Variants in CDK19 observed in about 807,000 individuals in gnomAD.
CDK19 encodes cyclin dependent kinase 19.
Under a neutral mutation model 68.3 loss-of-function variants are expected in CDK19, and 20 were observed. The ratio of observed to expected loss-of-function variants is 0.29; its 90% CI spans 0.21 to 0.43. CDK19 has a LOEUF of 0.43. Among genes scored for constraint, CDK19 ranks in the 20% least tolerant of loss-of-function variants. The probability of loss-of-function intolerance (pLI) is 1.00; values close to 1 mark genes in which losing one functional copy is unlikely to be tolerated. For missense variants in CDK19, 339 were observed against 623.5 expected (o/e 0.54, Z 4.86); for synonymous variants, 221 against 222.8 (o/e 0.99, Z 0.07).
At chr6:110,716,309 T>C (rs1040477118) in intron 2 of CDK19, among the ~76,000 whole-genome samples, 1 of 152,108 alleles carries the variant, frequency 6.6e-6, no homozygotes, top group Non-Finnish European at 1.5e-5. Flanking sequence ...TAAGCATTTC[T>C]ATATATAAAA....
intron 2 of CDK19, among the ~76,000 whole-genome samples, chr6:110,672,973 T>C (rs1771149280): frequency 6.6e-6 from 1 of 152,178 alleles, no homozygotes; most frequent in African/African-American, 2.4e-5. Flanking sequence ...ATATACTTAG[T>C]ATATTTACTT....
intron 2 of CDK19, among the ~76,000 whole-genome samples, chr6:110,690,223 G>A (rs1772862331): frequency 6.6e-6 from 1 of 152,198 alleles, no homozygotes; most frequent in African/African-American, 2.4e-5. Flanking sequence ...CCCACAGGAG[G>A]AGTATCTGCC....
chr6:110,691,213 A>G (rs990299613), intron 2 of CDK19, among the ~76,000 whole-genome samples: 6 of 152,142 alleles, frequency 3.9e-5, no homozygotes, highest in African/African-American at 1.4e-4. Context: ...GGTGGCTCAC[A>G]CCTGTAATCC....
At chr6:110,739,140 GC>G (rs1049996347) in intron 2 of CDK19, among the ~76,000 whole-genome samples, 1 of 152,182 alleles carries the variant, frequency 6.6e-6, no homozygotes, top group Non-Finnish European at 1.5e-5. Flanking sequence ...GAATGTTTAT[GC>G]CCCTTGCCCT....
intron 4 of CDK19, among the ~76,000 whole-genome samples, chr6:110,660,826 G>A (rs561422726): frequency 1.3e-5 from 2 of 152,298 alleles, no homozygotes; most frequent in African/African-American, 4.8e-5. Context: ...AGTCATGGGT[G>A]GTTTTGGAAA....
intron 2 of CDK19, among the ~76,000 whole-genome samples, chr6:110,673,965 T>C (rs143308729): frequency 2.2e-4 from 33 of 152,268 alleles, no homozygotes; most frequent in African/African-American, 6.7e-4. Context: ...TTTTCCCAAG[T>C]AGAAGGTTTG....
At chr6:110,754,504 G>A (rs1192523721) in intron 1 of CDK19, among the ~76,000 whole-genome samples, 5 of 147,838 alleles carry the variant, frequency 3.4e-5, no homozygotes, top group East Asian at 2.0e-4. Flanking sequence ...TTTTCAAGAC[G>A]GAGTCTCGCT....
chr6:110,663,262 T>C (rs1384191648), intron 4 of CDK19, among the ~76,000 whole-genome samples: 7 of 152,324 alleles, frequency 4.6e-5, no homozygotes. Flanking sequence ...ACAAAACTAG[T>C]CACTGACTAC....
At position 110,627,243 on chromosome 6, in the gene CDK19, A is replaced by C. The variant is rs192298970; in HGVS notation, c.647-98T>G. 4.2e-4 allele frequency: 348 copies of C among 826,120 alleles called. 2 individuals are homozygous for C. The African/African-American group carries it at 5.6e-3, about 13-fold the overall frequency. 51.2% of individuals were successfully genotyped at this position (826,120 alleles called of 1,614,324 possible). On this transcript the variant is annotated intron_variant, in intron 6 of 12. Coordinates refer to ENST00000368911, the MANE Select transcript of CDK19 (RefSeq NM_015076.5). ...TTATAAAAATACTTTTCAGTAAATC[A>C]ATATACAAAGTACAATAAGTACATT...
At chr6:110,664,046 G>A (rs62420295) in intron 4 of CDK19, among the ~76,000 whole-genome samples, 8,895 of 152,144 alleles carry the variant, frequency 0.058, 365 homozygotes, top group Non-Finnish European at 0.087. Flanking sequence ...CAAACTGTCA[G>A]TACTTAAACA....
chr6:110,739,588 T>C (rs982658404), intron 2 of CDK19, among the ~76,000 whole-genome samples: 1 of 152,096 alleles, frequency 6.6e-6, no homozygotes, highest in African/African-American at 2.4e-5. Flanking sequence ...TCGATGTTGT[T>C]AGAAGTACTC....
chr6:110,667,583 T>TA lies in CDK19; in HGVS notation c.316-10dup, dbSNP rs761820379. On this transcript the variant is annotated splice_polypyrimidine_tract_variant and intron_variant, in intron 3 of 12. Coordinates refer to ENST00000368911, the MANE Select transcript of CDK19 (RefSeq NM_015076.5). ...TGAAACTTAATAATATGCTAAAAAT[T>TA]AAAAAAAAACATAATAATATAGTCT... The TA allele has an allele frequency of 8.9e-4, 1,273 of 1,424,992 alleles. No individual in the cohort carries two copies. Among genetic ancestry groups the TA allele is most frequent in the African/African-American group, 1.3e-3 (88 of 68,630 alleles). 88.3% of individuals were successfully genotyped at this position (1,424,992 alleles called of 1,614,324 possible). A position where few individuals can be genotyped will look rare whatever the true frequency, so the allele number is the denominator to read the frequency against.
Position 110,724,053 on chromosome 6 carries a change from T to A in CDK19, c.204+22073A>T, listed in dbSNP as rs375543307. ...AAACTAGTTTAAAAGAAAGTAATTT[T>A]AAAAACTAGCCATTATAGGGCCAGG... On this transcript the variant is annotated intron_variant, in intron 2 of 12. Transcript: ENST00000368911. Among the ~76,000 whole-genome samples the A allele has an allele frequency of 2.2e-4, 33 of 151,424 alleles. 1 individual carries two copies. Among genetic ancestry groups the A allele is most frequent in the African/African-American group, 7.3e-4 (30 of 41,324 alleles).
At chr6:110,811,145 G>C (rs1476280520) in intron 1 of CDK19, among the ~76,000 whole-genome samples, 1 of 152,144 alleles carries the variant, frequency 6.6e-6, no homozygotes, top group Non-Finnish European at 1.5e-5. Flanking sequence ...ACTTTGGAAA[G>C]TTCTAATCCT....
In CDK19 at chr6:110,814,992, C is replaced by T. The variant is rs200975755; in HGVS notation, c.128+17G>A. On this transcript the variant is annotated intron_variant, in intron 1 of 12. Transcript: ENST00000368911. ...CGAGGACCCGAGCGAGCCTACTCCT[C>T]CCGCCCCTGCTCTTACCCATCTTTC... 79 of 1,602,308 alleles carry T rather than the reference C, an allele frequency of 4.9e-5. No homozygotes were observed. The East Asian group carries it at 1.5e-3, about 31-fold the overall frequency.
chr6:110,624,605 T>G (rs1189690624), intron 8 of CDK19, among the ~76,000 whole-genome samples: 1 of 152,210 alleles, frequency 6.6e-6, no homozygotes, highest in Non-Finnish European at 1.5e-5. Context: ...TTGCTTTGTT[T>G]TTATAAAATT....
intron 2 of CDK19, among the ~76,000 whole-genome samples, chr6:110,711,720 C>T (rs1016488626): frequency 1.4e-4 from 22 of 152,260 alleles, no homozygotes; most frequent in African/African-American, 4.8e-4. Flanking sequence ...GCAATCCCAG[C>T]ACTTTGGGAG....
chr6:110,755,579 C>G (rs1373091117), intron 1 of CDK19, among the ~76,000 whole-genome samples: 2 of 151,972 alleles, frequency 1.3e-5, no homozygotes, highest in African/African-American at 4.8e-5. Context: ...CTTATAGACA[C>G]CAGAAACGTG....
intron 1 of CDK19, among the ~76,000 whole-genome samples, chr6:110,780,319 G>A (rs1181465522): frequency 2.0e-5 from 3 of 150,500 alleles, no homozygotes; most frequent in Non-Finnish European, 4.4e-5. Context: ...GAACCTGGGA[G>A]GCAGAGGTTG....
Sources: gnomAD v4.1 joint callset for allele counts (sites outside exome capture counted in the v4.1 genomes callset) on GRCh38, gnomAD v4.1.1 for gene constraint, MANE v1.5 for transcripts, NCBI Gene and HGNC (gene_info 2026-07-23, HGNC 2026-07-21) for gene names.